Variants in GPSM3 observed in about 807,000 individuals in gnomAD.
GPSM3 encodes G protein signaling modulator 3.
GPSM3 carries 16 observed loss-of-function variants against 20.4 expected under a neutral mutation model. That is an observed-to-expected ratio of 0.78 (90% CI 0.53 to 1.19). The LOEUF is 1.19. Ranked by LOEUF, GPSM3 falls within the 50% of genes most tolerant of loss-of-function variation. The pLI, the probability that GPSM3 is intolerant of heterozygous loss-of-function variation, is 0.00. For synonymous variants in GPSM3, 70 were observed against 79.6 expected (o/e 0.88, Z 0.64); for missense variants, 177 against 204.6 (o/e 0.86, Z 0.82).
At chr6:32,194,724 A>G (rs1787742565), upstream of GPSM3, 1 of 210,336 alleles carries the variant, frequency 4.8e-6, no homozygotes, top group Non-Finnish European at 9.6e-6. This position sits in a 1 kb window ranked among gnomAD's most constrained non-coding sequence, Gnocchi z 4.5. Flanking sequence ...TCTTGCTTTT[A>G]AACTATACTT....
rs1489387643 is a variant in GPSM3, at chr6:32,191,817, C to T, written c.237G>A (p.Glu79=). ...VAEAQSRRLE[E]QRATFYTPQN... ...GGGGGGTGTAGAAGGTGGCCCTCTG[C>T]TCCTCCAGGCGGCGGGACTGGGCTT... The change falls in exon 3 of 4, where the codon GAG becomes GAA. Residue 79 remains glutamate, a synonymous_variant. Transcript: ENST00000375040. The surrounding 1 kb of genome is among the most constrained non-coding windows in gnomAD (Gnocchi z 5.9). 1 of 1,612,536 alleles carries T rather than the reference C, an allele frequency of 6.2e-7. No individual in the cohort carries two copies. The highest frequency in any genetic ancestry group is 1.3e-5 in the African/African-American group (1 of 74,932).
At chr6:32,192,732 T>C (rs566471010), upstream of GPSM3, 5 of 453,206 alleles carry the variant, frequency 1.1e-5, no homozygotes, top group Middle Eastern at 5.6e-4. This position sits in a 1 kb window ranked among gnomAD's most constrained non-coding sequence, Gnocchi z 5.1. Context: ...CCAAACAGCT[T>C]GTTCAGTCTC....
In GPSM3 at chr6:32,191,167, G is replaced by T; in HGVS notation, c.*199C>A. ...CCTGTGGGCGGGGAGTTAAATCCCT[G>T]TTCCATCTCGCCTGTTCCCAGAGTT... On this transcript the variant is annotated 3_prime_UTR_variant, in exon 4 of 4. Transcript: ENST00000375040. The surrounding 1 kb of genome is among the most constrained non-coding windows in gnomAD (Gnocchi z 5.9). 3.3e-6 allele frequency: 2 copies of T among 612,916 alleles called. No homozygotes were observed. The highest frequency in any genetic ancestry group is 5.3e-6 in the Non-Finnish European group (2 of 373,884). The allele number at this position is 612,916 out of a possible 1,614,324, so 38.0% of individuals were successfully genotyped here.
chr6:32,195,245 TA>T, upstream of GPSM3: 1 of 609,856 alleles, frequency 1.6e-6, no homozygotes, highest in Non-Finnish European at 2.8e-6. The surrounding 1 kb of genome is among the most constrained non-coding windows in gnomAD (Gnocchi z 5.4). Flanking sequence ...CCTAGCATCT[TA>T]AACCCTCTTT....
Position 32,192,235 on chromosome 6 carries a change from C to T in GPSM3, c.58G>A (p.Glu20Lys). The T allele has an allele frequency of 6.6e-7, 1 of 1,518,432 alleles. No individual in the cohort carries two copies. The highest frequency in any genetic ancestry group is 8.8e-7 in the Non-Finnish European group (1 of 1,133,934). 94.1% of individuals were successfully genotyped at this position (1,518,432 alleles called of 1,614,324 possible). Reference protein sequence around the residue: ...EDGEQGPPQDEEGWPPPNSTT... With the variant: ...EDGEQGPPQDKEGWPPPNSTT... ...GAGTTTGGAGGGGGCCAGCCTTCCTCATCCTGAGGGGGGCCCTGATGCCAA... is the reference window on the plus strand; with the variant it reads ...GAGTTTGGAGGGGGCCAGCCTTCCTTATCCTGAGGGGGGCCCTGATGCCAA... Residue 20 changes from glutamate (E) to lysine (K), a missense_variant, in exon 2 of 4, where the codon GAG becomes AAG. Transcript: ENST00000375040. This position sits in a 1 kb window ranked among gnomAD's most constrained non-coding sequence, Gnocchi z 5.1.
upstream of GPSM3, chr6:32,195,450 T>G: frequency 1.3e-6 from 2 of 1,597,254 alleles, no homozygotes; most frequent in Non-Finnish European, 1.7e-6. This position sits in a 1 kb window ranked among gnomAD's most constrained non-coding sequence, Gnocchi z 5.4. Flanking sequence ...TTTTTTACCC[T>G]CTCCTCCTTG....
Position 32,191,955 on chromosome 6 carries a change from G to T in GPSM3, c.146-47C>A. On this transcript the variant is annotated intron_variant, in intron 2 of 3. Transcript: ENST00000375040. The surrounding 1 kb of genome is among the most constrained non-coding windows in gnomAD (Gnocchi z 5.9). ...GCTCAGAGACCCAGAGAGGTTGGCA[G>T]ACAGGAGCCGTGGGGGAGTGTGGAC... The T allele has an allele frequency of 6.4e-7, 1 of 1,565,260 alleles. No individual in the cohort carries two copies.
Position 32,191,903 on chromosome 6 carries a change from C to T in GPSM3, c.151G>A (p.Gly51Arg). Residue 51 changes from glycine (G) to arginine (R), a missense_variant, in exon 3 of 4, where the codon GGA (glycine) becomes AGA (arginine). By Grantham distance (125) the Gly-to-Arg change is moderately radical. Coordinates refer to ENST00000375040, the MANE Select transcript of GPSM3 (RefSeq NM_001276501.2). The surrounding 1 kb of genome is among the most constrained non-coding windows in gnomAD (Gnocchi z 5.9). ...GAGAGCAGGGAGGCCGAGCGGGGTC[C>T]CAGGGCTGGGGAGAGGGGTGTGGAG... ...PPPGTRHTAL[G>R]PRSASLLSLQ... The T allele has an allele frequency of 6.2e-7, 1 of 1,610,832 alleles. No individual in the cohort carries two copies. Among genetic ancestry groups the T allele is most frequent in the Non-Finnish European group, 8.5e-7 (1 of 1,179,568 alleles).
Position 32,191,971 on chromosome 6 carries a change from G to T in GPSM3, c.146-63C>A. 2.0e-6 allele frequency: 3 copies of T among 1,492,160 alleles called. No homozygotes were observed. The highest frequency in any genetic ancestry group is 2.8e-6 in the Non-Finnish European group (3 of 1,075,030). The allele number at this position is 1,492,160 out of a possible 1,614,324, so 92.4% of individuals were successfully genotyped here. A position where few individuals can be genotyped will look rare whatever the true frequency, so the allele number is the denominator to read the frequency against. The stretch of plus-strand genomic sequence containing the variant: ...AGGTTGGCAGACAGGAGCCGTGGGG[G>T]AGTGTGGACAGGGTGACGTGATTAG... On this transcript the variant is annotated intron_variant, in intron 2 of 3. Transcript: ENST00000375040. The surrounding 1 kb of genome is among the most constrained non-coding windows in gnomAD (Gnocchi z 5.9).
rs997051686 is a variant in GPSM3, at chr6:32,191,585, G to A, written c.346-82C>T. 2.7e-6 allele frequency: 4 copies of A among 1,503,654 alleles called. No homozygotes were observed. In the African/African-American group the frequency reaches 5.6e-5, roughly 21 times the overall value. 93.1% of individuals were successfully genotyped at this position (1,503,654 alleles called of 1,614,324 possible). On this transcript the variant is annotated intron_variant, in intron 3 of 3. Coordinates refer to ENST00000375040, the MANE Select transcript of GPSM3 (RefSeq NM_001276501.2). This position sits in a 1 kb window ranked among gnomAD's most constrained non-coding sequence, Gnocchi z 5.9. ...TTGAGAGGATCAAGGGTTGGTATGG[G>A]GAGGCATATAGGAAACCTGTGAAGG...
chr6:32,192,897 C>T (rs1787640744), upstream of GPSM3: 1 of 222,022 alleles, frequency 4.5e-6, no homozygotes, highest in Non-Finnish European at 8.8e-6. The surrounding 1 kb of genome is among the most constrained non-coding windows in gnomAD (Gnocchi z 5.1). Context: ...ACCTCCTCTT[C>T]TGCTCTTTCT....
upstream of GPSM3, among the ~76,000 whole-genome samples, chr6:32,193,543 G>A (rs1224207908): frequency 6.6e-6 from 1 of 152,128 alleles, no homozygotes; most frequent in Admixed American, 6.5e-5. The surrounding 1 kb of genome is among the most constrained non-coding windows in gnomAD (Gnocchi z 4.7). Context: ...CAGGAGACAA[G>A]ATGTGTACCA....
At position 32,191,236 on chromosome 6, in the gene GPSM3, G is replaced by T; in HGVS notation, c.*130C>A. On this transcript the variant is annotated 3_prime_UTR_variant, in exon 4 of 4. Coordinates refer to ENST00000375040, the MANE Select transcript of GPSM3 (RefSeq NM_001276501.2). The surrounding 1 kb of genome is among the most constrained non-coding windows in gnomAD (Gnocchi z 5.9). ...CCAGTTCCCAGGGAAGGTGATGTGG[G>T]AGATGAATATTGAGATTTGTGCCGT... 1 of 1,101,536 alleles carries T rather than the reference G, an allele frequency of 9.1e-7. No individual in the cohort carries two copies. Among genetic ancestry groups the T allele is most frequent in the South Asian group, 1.7e-5 (1 of 59,072 alleles). The allele number at this position is 1,101,536 out of a possible 1,614,324, so 68.2% of individuals were successfully genotyped here. A position where few individuals can be genotyped will look rare whatever the true frequency, so the allele number is the denominator to read the frequency against.
In GPSM3 at chr6:32,191,272, C is replaced by G. The variant is rs575204181; in HGVS notation, c.*94G>C. The G allele has an allele frequency of 2.8e-6, 4 of 1,416,928 alleles. No homozygotes were observed. In the East Asian group the frequency reaches 1.0e-4, roughly 37 times the overall value. The allele number at this position is 1,416,928 out of a possible 1,614,324, so 87.8% of individuals were successfully genotyped here. A position where few individuals can be genotyped will look rare whatever the true frequency, so the allele number is the denominator to read the frequency against. On this transcript the variant is annotated 3_prime_UTR_variant, in exon 4 of 4. Coordinates refer to ENST00000375040, the MANE Select transcript of GPSM3 (RefSeq NM_001276501.2). This position sits in a 1 kb window ranked among gnomAD's most constrained non-coding sequence, Gnocchi z 5.9. Reference sequence around the variant, plus strand: ...TGAGATTTGTGCCGTGTCTTTCAGTCTCTGGTACCCCTGCCAAGCAAGAGT... The same window carrying G: ...TGAGATTTGTGCCGTGTCTTTCAGTGTCTGGTACCCCTGCCAAGCAAGAGT...
chr6:32,191,224 A>G lies in GPSM3; in HGVS notation c.*142T>C. 9.9e-7 allele frequency: 1 copy of G among 1,008,578 alleles called. No individual in the cohort carries two copies. The highest frequency in any genetic ancestry group is 1.4e-6 in the Non-Finnish European group (1 of 709,796). 62.5% of individuals were successfully genotyped at this position (1,008,578 alleles called of 1,614,324 possible). On this transcript the variant is annotated 3_prime_UTR_variant, in exon 4 of 4. Transcript: ENST00000375040. This position sits in a 1 kb window ranked among gnomAD's most constrained non-coding sequence, Gnocchi z 5.9. ...CTTTCACCCTGTCCAGTTCCCAGGG[A>G]AGGTGATGTGGGAGATGAATATTGA... is the stretch of plus-strand genomic sequence containing the variant.
rs1418968700 is a variant in GPSM3, at chr6:32,191,933, C to T, written c.146-25G>A. 6.2e-7 allele frequency: 1 copy of T among 1,601,234 alleles called. No individual in the cohort carries two copies. Among genetic ancestry groups the T allele is most frequent in the Non-Finnish European group, 8.5e-7 (1 of 1,171,670 alleles). Reference sequence around the variant, plus strand: ...GCTGGGGAGAGGGGTGTGGAGGGCTCAGAGACCCAGAGAGGTTGGCAGACA... The same window carrying T: ...GCTGGGGAGAGGGGTGTGGAGGGCTTAGAGACCCAGAGAGGTTGGCAGACA... On this transcript the variant is annotated intron_variant, in intron 2 of 3. Transcript: ENST00000375040. The surrounding 1 kb of genome is among the most constrained non-coding windows in gnomAD (Gnocchi z 5.9).
chr6:32,191,804 A>G lies in GPSM3; in HGVS notation c.250T>C (p.Phe84Leu). ...CTTGAGGGGTTTTGGGGGGTGTAGA[A>G]GGTGGCCCTCTGCTCCTCCAGGCGG... ...SRRLEEQRAT[F>L]YTPQNPSSLA... The change falls in exon 3 of 4, where the codon TTC becomes CTC. Residue 84 changes from phenylalanine (F) to leucine (L), a missense_variant. Transcript: ENST00000375040. The surrounding 1 kb of genome is among the most constrained non-coding windows in gnomAD (Gnocchi z 5.9). The G allele has an allele frequency of 1.9e-6, 3 of 1,612,314 alleles. No homozygotes were observed. The African/African-American group carries it at 4.0e-5, about 22-fold the overall frequency.
Position 32,192,612 on chromosome 6 carries a change from G to T in GPSM3, c.-99C>A. On this transcript the variant is annotated 5_prime_UTR_variant, in exon 1 of 4. Coordinates refer to ENST00000375040, the MANE Select transcript of GPSM3 (RefSeq NM_001276501.2). The surrounding 1 kb of genome is among the most constrained non-coding windows in gnomAD (Gnocchi z 5.1). ...AGGGGAGTGGGGGCTGGAAGGGGTG[G>T]GGGTGAGCTGGGGGCTGGATGCCTG... 1.4e-6 allele frequency: 1 copy of T among 698,540 alleles called. No individual in the cohort carries two copies. The allele number at this position is 698,540 out of a possible 1,614,324, so 43.3% of individuals were successfully genotyped here. A position where few individuals can be genotyped will look rare whatever the true frequency, so the allele number is the denominator to read the frequency against.
chr6:32,194,750 T>C, upstream of GPSM3: 1 of 222,690 alleles, frequency 4.5e-6, no homozygotes. This position sits in a 1 kb window ranked among gnomAD's most constrained non-coding sequence, Gnocchi z 4.5. Flanking sequence ...CTCCATCCAA[T>C]CCAAATGCTG....
Sources: allele counts gnomAD v4.1 joint callset (sites outside exome capture counted in the v4.1 genomes callset), GRCh38; gene constraint gnomAD v4.1.1; non-coding constraint Gnocchi (gnomAD v3.1); transcripts MANE v1.5; gene names NCBI Gene and HGNC (gene_info 2026-07-23, HGNC 2026-07-21).